Variants in CNTN5 observed in about 807,000 individuals in gnomAD.
CNTN5 encodes the protein contactin-5.
CNTN5 carries 77 observed loss-of-function variants against 129.1 expected under a neutral mutation model. The observed-to-expected ratio is 0.60, with a 90% CI of 0.50 to 0.72. CNTN5 has a LOEUF of 0.72. CNTN5 is among the 30% of genes least tolerant of loss of function. The probability of loss-of-function intolerance (pLI) is 0.00; values close to 1 mark genes in which losing one functional copy is unlikely to be tolerated. For missense variants in CNTN5, 1,478 were observed against 1,328.8 expected (o/e 1.11, Z -1.75); for synonymous variants, 509 against 465.6 (o/e 1.09, Z -1.20).
chr11:99,260,988 A>C (rs749799528), intron 1 of CNTN5, among the ~76,000 whole-genome samples: 18 of 151,988 alleles, frequency 1.2e-4, no homozygotes, highest in Non-Finnish European at 2.1e-4. Context: ...GTGATGAATC[A>C]GTATTTATAG....
chr11:99,687,741 G>T (rs940637329), intron 3 of CNTN5, among the ~76,000 whole-genome samples: 8 of 152,082 alleles, frequency 5.3e-5, no homozygotes, highest in Non-Finnish European at 1.0e-4. Flanking sequence ...TTATGTACCT[G>T]TACATTTCTC....
At chr11:99,628,742 C>T (rs1030549199) in intron 3 of CNTN5, among the ~76,000 whole-genome samples, 4 of 151,786 alleles carry the variant, frequency 2.6e-5, no homozygotes, top group African/African-American at 9.7e-5. Flanking sequence ...ACAAAGGGCA[C>T]AGGGAAATAA....
At chr11:99,594,671 A>G (rs1950072921) in intron 3 of CNTN5, among the ~76,000 whole-genome samples, 1 of 152,224 alleles carries the variant, frequency 6.6e-6, no homozygotes, top group Non-Finnish European at 1.5e-5. Context: ...AATAGGTAGC[A>G]TCAGGTTTGC....
At chr11:99,981,398 T>C (rs1241923393) in intron 8 of CNTN5, among the ~76,000 whole-genome samples, 3 of 152,044 alleles carry the variant, frequency 2.0e-5, no homozygotes, top group Non-Finnish European at 4.4e-5. Flanking sequence ...GTGTATCTCA[T>C]TTCCAGGAAA....
rs141771483 is a variant in CNTN5, at chr11:99,118,925, A to G, written c.-210+97655A>G. On this transcript the variant is annotated intron_variant, in intron 1 of 24. Coordinates refer to ENST00000524871, the MANE Select transcript of CNTN5 (RefSeq NM_014361.4). ...ATTATACCTTAATTATGCTGTATTT[A>G]TTATAATTATGTTAGATAATATTTT... 8.4e-4 allele frequency among the ~76,000 whole-genome samples: 127 copies of G among 152,024 alleles called. 2 individuals carry two copies. In the East Asian group the frequency reaches 0.022, roughly 27 times the overall value.
chr11:100,330,021 A>G (rs1453470239), intron 21 of CNTN5, among the ~76,000 whole-genome samples: 1 of 152,202 alleles, frequency 6.6e-6, no homozygotes, highest in African/African-American at 2.4e-5. Context: ...GTCAATTACT[A>G]AGACAATCAA....
intron 21 of CNTN5, among the ~76,000 whole-genome samples, chr11:100,334,798 G>C (rs78539834): frequency 3.3e-5 from 5 of 152,046 alleles, no homozygotes; most frequent in African/African-American, 4.8e-5. Context: ...TGGGTGGCAA[G>C]GGATAAAAGT....
chr11:100,017,826 G>A (rs1940912492), intron 9 of CNTN5, among the ~76,000 whole-genome samples: 1 of 137,578 alleles, frequency 7.3e-6, no homozygotes, highest in Admixed American at 7.4e-5. Context: ...TACAAAGGAA[G>A]CTAGTCCAGG....
chr11:99,133,524 T>C (rs1316877728), intron 1 of CNTN5, among the ~76,000 whole-genome samples: 2 of 147,518 alleles, frequency 1.4e-5, no homozygotes, highest in Non-Finnish European at 3.0e-5. Flanking sequence ...AGGTCTAATA[T>C]CCAGAATCTA....
chr11:99,173,137 G>A (rs576116885), intron 1 of CNTN5, among the ~76,000 whole-genome samples: 131 of 152,182 alleles, frequency 8.6e-4, no homozygotes, highest in African/African-American at 3.0e-3. Flanking sequence ...TAATTTAATC[G>A]TCTCACACCT....
chr11:99,867,204 C>A lies in CNTN5; in HGVS notation c.577+21942C>A, dbSNP rs377478119. Among the ~76,000 whole-genome samples the A allele has an allele frequency of 5.3e-5, 8 of 152,226 alleles. No homozygotes were observed. In the East Asian group the frequency reaches 1.4e-3, roughly 26 times the overall value. ...GATCACTGTTGTCCAGATTTAAGAC[C>A]TATCTTTCCCACCCTTCATATTGTT... is the stretch of plus-strand genomic sequence containing the variant. On this transcript the variant is annotated intron_variant, in intron 6 of 24. Transcript: ENST00000524871.
chr11:99,848,378 C>T (rs570638541), intron 6 of CNTN5, among the ~76,000 whole-genome samples: 74 of 152,158 alleles, frequency 4.9e-4, no homozygotes, highest in African/African-American at 1.5e-3. Flanking sequence ...ACTTTTGTCA[C>T]ATTTTAAAGC....
At chr11:99,089,771 A>G (rs1410167160) in intron 1 of CNTN5, among the ~76,000 whole-genome samples, 1 of 152,204 alleles carries the variant, frequency 6.6e-6, no homozygotes, top group African/African-American at 2.4e-5. Flanking sequence ...CATACCATAA[A>G]TATTTCACAT....
rs539630670 is a variant in CNTN5 at position 99,889,973 on chromosome 11, A to T, written c.578-26081A>T. Among the ~76,000 whole-genome samples the T allele has an allele frequency of 2.8e-4, 43 of 152,304 alleles. 1 individual carries two copies. In the South Asian group the frequency reaches 3.3e-3, roughly 12 times the overall value. On this transcript the variant is annotated intron_variant, in intron 6 of 24. Transcript: ENST00000524871. The stretch of plus-strand genomic sequence containing the variant: ...ATTTTATCTTCACCTCGATAAGATC[A>T]CCTTTTTCATTGTCACAAAAAGGAC...
chr11:99,151,630 T>A (rs138372911), intron 1 of CNTN5, among the ~76,000 whole-genome samples: 70 of 152,212 alleles, frequency 4.6e-4, no homozygotes, highest in Middle Eastern at 6.8e-3. Context: ...TGAATTATAG[T>A]GTGAAATATT....
Position 99,815,534 on chromosome 11 carries a change from C to T in CNTN5, c.56-4010C>T, listed in dbSNP as rs192404078. Among the ~76,000 whole-genome samples, 5 of 152,240 alleles carry T rather than the reference C, an allele frequency of 3.3e-5. No homozygotes were observed. The East Asian group carries it at 7.7e-4, about 24-fold the overall frequency. On this transcript the variant is annotated intron_variant, in intron 3 of 24. Coordinates refer to ENST00000524871, the MANE Select transcript of CNTN5 (RefSeq NM_014361.4). ...TGAAAGCCACTTTCTAAGGACTGGG[C>T]TTATTTGTCAAATAGAATGGAAATG... is the stretch of plus-strand genomic sequence containing the variant.
chr11:99,916,511 C>T (rs572661586), intron 7 of CNTN5, among the ~76,000 whole-genome samples: 1 of 152,174 alleles, frequency 6.6e-6, no homozygotes, highest in African/African-American at 2.4e-5. Context: ...TACCAATATG[C>T]GTCTTGTTTC....
At chr11:99,655,348 TACTAAG>T (rs1952315493) in intron 3 of CNTN5, among the ~76,000 whole-genome samples, 1 of 152,136 alleles carries the variant, frequency 6.6e-6, no homozygotes, top group South Asian at 2.1e-4. Flanking sequence ...GCCTGACTAA[TACTAAG>T]TTATGATTAT....
At chr11:100,232,616 TTG>T (rs1949513792) in intron 16 of CNTN5, among the ~76,000 whole-genome samples, 1 of 152,228 alleles carries the variant, frequency 6.6e-6, no homozygotes. Context: ...TTGTGAAACT[TTG>T]TGTAAGTCAT....
Sources: gnomAD v4.1 joint callset for allele counts (sites outside exome capture counted in the v4.1 genomes callset) on GRCh38, gnomAD v4.1.1 for gene constraint, MANE v1.5 for transcripts, NCBI Gene and HGNC (gene_info 2026-07-23, HGNC 2026-07-21) for gene names.